The following GFRA3 variants were observed in gnomAD, a reference collection of about 807,000 sequenced individuals.
GFRA3 encodes GDNF family receptor alpha 3, also known as GDNF family receptor alpha-3.
GFRA3 carries 24 observed loss-of-function variants against 40.0 expected under a neutral mutation model. That is an observed-to-expected ratio of 0.60 (90% CI 0.43 to 0.84). GFRA3 has a LOEUF of 0.84. GFRA3 is among the 40% of genes least tolerant of loss of function. The probability of loss-of-function intolerance (pLI) is 0.00; values close to 1 mark genes in which losing one functional copy is unlikely to be tolerated. For missense variants in GFRA3, 405 were observed against 530.6 expected, an observed-to-expected ratio of 0.76 and a Z score of 2.33; for synonymous variants, 203 against 213.5, an observed-to-expected ratio of 0.95 and a Z score of 0.43.
intron 1 of GFRA3, among the ~76,000 whole-genome samples, chr5:138,272,043 T>A (rs2126622537): frequency 6.7e-6 from 1 of 149,008 alleles, no homozygotes; most frequent in Non-Finnish European, 1.5e-5. Flanking sequence ...TCTCGCTCTG[T>A]CACCCAGGCT....
chr5:138,261,279 T>A (rs759868217), intron 2 of GFRA3, among the ~76,000 whole-genome samples: 2 of 152,226 alleles, frequency 1.3e-5, no homozygotes, highest in Non-Finnish European at 2.9e-5. Flanking sequence ...TTTACTAGTA[T>A]GTCTTGATTG....
At chr5:138,253,176 T>G (rs1360365072) in intron 7 of GFRA3, 111 bp downstream of exon 7, 4 of 860,126 alleles carry the variant, frequency 4.7e-6, no homozygotes, top group Non-Finnish European at 7.8e-6. Context: ...TCTCTAGTAT[T>G]CAGGGCAATG....
rs542657582 is a variant in GFRA3, at chr5:138,267,684, C to T, written c.92-3136G>A. The T allele has an allele frequency of 1.5e-4, 27 of 179,204 alleles. 1 individual carries two copies. The highest frequency in any genetic ancestry group is 2.6e-4 in the Non-Finnish European group (21 of 81,976). The allele number at this position is 179,204 out of a possible 1,614,324, so 11.1% of individuals were successfully genotyped here. On this transcript the variant is annotated intron_variant, in intron 1 of 7. Transcript: ENST00000274721. ...TCCTTATCTTGGATGTTGGCTTTTA[C>T]ATTTCCTTGTATCCAAGGGTTCAAC...
At chr5:138,265,509 C>T (rs139966081) in intron 1 of GFRA3, among the ~76,000 whole-genome samples, 13 of 152,188 alleles carry the variant, frequency 8.5e-5, no homozygotes, top group African/African-American at 2.6e-4. Context: ...TGAGCCACCG[C>T]GCCTTAATTC....
chr5:138,274,383 G>T lies in GFRA3; in HGVS notation c.42C>A (p.Val14=). The T allele has an allele frequency of 7.5e-7, 1 of 1,327,528 alleles. No individual in the cohort carries two copies. The highest frequency in any genetic ancestry group is 9.7e-7 in the Non-Finnish European group (1 of 1,035,238). The allele number at this position is 1,327,528 out of a possible 1,614,324, so 82.2% of individuals were successfully genotyped here. A position where few individuals can be genotyped will look rare whatever the true frequency, so the allele number is the denominator to read the frequency against. ...PLNPRPLPPV[V]LMLLLLLPPS... is the part of the protein sequence containing the mutation. Reference sequence around the variant, plus strand: ...GCGGCAGCAGCAGCAGCAACATCAGGACTACGGGCGGCAGCGGTCGCGGGT... The same window carrying T: ...GCGGCAGCAGCAGCAGCAACATCAGTACTACGGGCGGCAGCGGTCGCGGGT... Residue 14 remains valine, a synonymous_variant, in exon 1 of 8, where the codon GTC becomes GTA. Transcript: ENST00000274721.
chr5:138,264,313 G>T lies in GFRA3; in HGVS notation c.327C>A (p.Asn109Lys), dbSNP rs369303407. ...IGCMCHRRMK[N>K]QVACLDIYWT... is the part of the protein sequence containing the mutation. ...AATAGATGTCCAAGCAGGCAACCTGGTTCTTCATGCGCCGGTGGCACATGC... is the reference window on the plus strand; with the variant it reads ...AATAGATGTCCAAGCAGGCAACCTGTTTCTTCATGCGCCGGTGGCACATGC... The change falls in exon 2 of 8, where the codon AAC (asparagine) becomes AAA (lysine). Residue 109 changes from asparagine to lysine, a missense_variant. Transcript: ENST00000274721. 3.1e-6 allele frequency: 5 copies of T among 1,612,450 alleles called. No homozygotes were observed. In the African/African-American group the frequency reaches 4.0e-5, roughly 13 times the overall value.
intron 1 of GFRA3, among the ~76,000 whole-genome samples, chr5:138,271,997 T>C (rs1472709120): frequency 1.4e-5 from 2 of 140,480 alleles, no homozygotes; most frequent in Non-Finnish European, 1.5e-5. Flanking sequence ...ACGTTCACAG[T>C]ATTTTCTTTT....
intron 1 of GFRA3, among the ~76,000 whole-genome samples, chr5:138,271,191 G>C (rs7716269): frequency 0.062 from 9,385 of 152,014 alleles, 463 homozygotes; most frequent in African/African-American, 0.13. Context: ...GCGATTTCTC[G>C]ATGTTGGTCA....
At chr5:138,271,909 T>TGTGTGTGTGTGTGTG (rs61550132) in intron 1 of GFRA3, among the ~76,000 whole-genome samples, 184 of 99,486 alleles carry the variant, frequency 1.8e-3, no homozygotes, top group South Asian at 4.4e-3. Context: ...TTTTTTTTTT[T>TGTGTGTGTGTGTGTG]TTTTTGTGTG....
intron 2 of GFRA3, among the ~76,000 whole-genome samples, chr5:138,262,262 G>C (rs1291393125): frequency 6.6e-6 from 1 of 152,098 alleles, no homozygotes; most frequent in Non-Finnish European, 1.5e-5. Context: ...ACTGAAAGAG[G>C]AAGGACCTTT....
At chr5:138,258,112 C>CCCT (rs1755659354) in intron 3 of GFRA3, among the ~76,000 whole-genome samples, 161 bp from the exon 4 acceptor site, 1 of 151,388 alleles carries the variant, frequency 6.6e-6, no homozygotes, top group South Asian at 2.1e-4. Flanking sequence ...CCAGGGCTTC[C>CCCT]CCTCTCCCCA....
chr5:138,263,455 C>T (rs1755739559), intron 2 of GFRA3, among the ~76,000 whole-genome samples: 1 of 152,170 alleles, frequency 6.6e-6, no homozygotes, highest in South Asian at 2.1e-4. Flanking sequence ...TGGTATCTCC[C>T]TGTGGAAGAA....
chr5:138,257,054 T>C (rs1029896302), intron 4 of GFRA3, among the ~76,000 whole-genome samples: 6 of 152,132 alleles, frequency 3.9e-5, no homozygotes, highest in Non-Finnish European at 8.8e-5. Context: ...ACATAAATTA[T>C]GTAATTTAAC....
At chr5:138,259,679 C>A (rs759417331) in intron 2 of GFRA3, 30 bp from the exon 3 acceptor site, 5 of 941,756 alleles carry the variant, frequency 5.3e-6, no homozygotes, top group Non-Finnish European at 8.8e-6. Context: ...CACCAGAATG[C>A]TGAGGACCAG....
At chr5:138,268,924 CAAAA>C (rs70979600) in intron 1 of GFRA3, among the ~76,000 whole-genome samples, 1 of 92,430 alleles carries the variant, frequency 1.1e-5, no homozygotes, top group Admixed American at 1.1e-4. Context: ...GACTCCATCT[CAAAA>C]AAAAAAAAAA....
chr5:138,261,458 G>A (rs1755708056), intron 2 of GFRA3, among the ~76,000 whole-genome samples: 7 of 152,124 alleles, frequency 4.6e-5, no homozygotes, highest in Admixed American at 3.9e-4. Flanking sequence ...CATTTTGGGA[G>A]GCCGAGGCAG....
intron 4 of GFRA3, 92 bp from the exon 5 acceptor site, chr5:138,254,252 A>G (rs986231246): frequency 1.1e-5 from 8 of 745,316 alleles, no homozygotes; most frequent in Non-Finnish European, 1.6e-5. Flanking sequence ...CAGTAGCTCA[A>G]TCTTGGCTCA....
chr5:138,274,587 C>A lies in GFRA3; in HGVS notation c.-163G>T. ...TGGGCGCCGCCCTCCAACTCCGAAG[C>A]GCGCGTCCACACCACGCGCCTCCAG... On this transcript the variant is annotated 5_prime_UTR_variant, in exon 1 of 8. Coordinates refer to ENST00000274721, the MANE Select transcript of GFRA3 (RefSeq NM_001496.4). The A allele has an allele frequency of 8.2e-7, 1 of 1,225,530 alleles. No individual in the cohort carries two copies. The highest frequency in any genetic ancestry group is 4.2e-5 in the South Asian group (1 of 23,536). The allele number at this position is 1,225,530 out of a possible 1,614,324, so 75.9% of individuals were successfully genotyped here.
intron 1 of GFRA3, among the ~76,000 whole-genome samples, chr5:138,268,541 T>C (rs1236178403): frequency 6.6e-6 from 1 of 151,850 alleles, no homozygotes; most frequent in African/African-American, 2.4e-5. Context: ...TCTATACATC[T>C]GACAAAGGAC....
Sources: gnomAD v4.1 joint callset for allele counts (sites outside exome capture counted in the v4.1 genomes callset) on GRCh38, gnomAD v4.1.1 for gene constraint, MANE v1.5 for transcripts, NCBI Gene and HGNC (gene_info 2026-07-23, HGNC 2026-07-21) for gene names.